The following KCTD16 variants were observed in gnomAD, a reference collection of about 807,000 sequenced individuals.
The protein encoded by KCTD16 is potassium channel tetramerization domain containing 16.
In KCTD16, 13 loss-of-function variants were observed where a neutral mutation model predicts 33.2. The observed-to-expected ratio is 0.39, with a 90% confidence interval of 0.25 to 0.62. The LOEUF is 0.62. Ranked by LOEUF, KCTD16 falls within the 20% of genes least tolerant of loss-of-function variation. The pLI is 0.50. For synonymous variants in KCTD16, 197 were observed against 195.3 expected (o/e 1.01, Z -0.07); for missense variants, 441 against 525.1 (o/e 0.84, Z 1.57).
intron 3 of KCTD16, among the ~76,000 whole-genome samples, chr5:144,338,487 A>G (rs1349168551): frequency 6.6e-6 from 1 of 152,206 alleles, no homozygotes; most frequent in Non-Finnish European, 1.5e-5. Flanking sequence ...GGATCATAGT[A>G]GACATTCAAT....
intron 2 of KCTD16, 40 bp from the exon 3 acceptor site, chr5:144,206,349 T>C (rs983231413): frequency 5.0e-5 from 9 of 181,612 alleles, no homozygotes; most frequent in African/African-American, 7.1e-5. Flanking sequence ...TTCTGACTCA[T>C]TCCAGGTTTG....
chr5:144,259,930 T>C (rs562083167), intron 3 of KCTD16, among the ~76,000 whole-genome samples: 2 of 152,328 alleles, frequency 1.3e-5, no homozygotes, highest in South Asian at 4.1e-4. Context: ...CGTTCTGTCA[T>C]GTCATAATGT....
chr5:144,245,117 T>C (rs1754513516), intron 3 of KCTD16, among the ~76,000 whole-genome samples: 1 of 152,236 alleles, frequency 6.6e-6, no homozygotes, highest in Admixed American at 6.5e-5. Context: ...GACAAATAAT[T>C]ACTAAATATC....
rs570622012 is a variant in KCTD16 at position 144,328,999 on chromosome 5, C to T, written c.832+121453C>T. On this transcript the variant is annotated intron_variant, in intron 3 of 3. Transcript: ENST00000512467. ...ATTGAATGAACTATAAATATGATCA[C>T]CCATCTATATCCCAGGCTTGAGACT... Among the ~76,000 whole-genome samples the T allele has an allele frequency of 2.0e-5, 3 of 152,122 alleles. No homozygotes were observed. The South Asian group carries it at 6.2e-4, about 32-fold the overall frequency.
chr5:144,431,746 A>G (rs979339515), intron 3 of KCTD16, among the ~76,000 whole-genome samples: 2 of 152,158 alleles, frequency 1.3e-5, no homozygotes, highest in African/African-American at 4.8e-5. Flanking sequence ...CTCGTATTTT[A>G]CTTGTTTTTA....
intron 3 of KCTD16, among the ~76,000 whole-genome samples, chr5:144,339,129 C>A (rs1185429227): frequency 6.6e-6 from 1 of 152,158 alleles, no homozygotes; most frequent in African/African-American, 2.4e-5. Context: ...ATTTATCAAG[C>A]CCTTACTCTG....
Position 144,473,864 on chromosome 5 carries a change from T to G in KCTD16, c.1037T>G (p.Ile346Ser). The G allele has an allele frequency of 6.2e-7, 1 of 1,613,918 alleles. No homozygotes were observed. The change falls in exon 4 of 4, where the codon ATC (isoleucine) becomes AGC (serine). Residue 346 changes from isoleucine to serine, a missense_variant. Around this residue, in one of 3 missense-constraint regions of KCTD16, gnomAD observed 355 missense variants for 413.0 expected, o/e 0.86. Transcript: ENST00000512467. ...AACATCCAGACTCTGGACCGTCCCA[T>G]CAAGAAGGGCCCTGTCCAGCTGATC... ...QTNIQTLDRP[I>S]KKGPVQLIQQ... is the part of the protein sequence containing the mutation.
intron 2 of KCTD16, among the ~76,000 whole-genome samples, chr5:144,199,707 A>ATTTTTTTTTTTTT (rs574670606): frequency 4.4e-5 from 3 of 67,738 alleles, no homozygotes; most frequent in Admixed American, 1.6e-4. Context: ...GAACAGCTTC[A>ATTTTTTTTTTTTT]TTTTTTTTTT....
intron 3 of KCTD16, among the ~76,000 whole-genome samples, chr5:144,386,905 G>A (rs538353724): frequency 7.1e-4 from 108 of 152,232 alleles, no homozygotes; most frequent in African/African-American, 2.4e-3. Flanking sequence ...TATTGTTGTT[G>A]TAAAAGACAA....
Position 144,474,198 on chromosome 5 carries a change from A to T in KCTD16, c.*84A>T, listed in dbSNP as rs1754545720. The T allele has an allele frequency of 2.2e-5, 23 of 1,031,482 alleles. No homozygotes were observed. The highest frequency in any genetic ancestry group is 3.3e-5 in the Non-Finnish European group (23 of 707,460). 63.9% of individuals were successfully genotyped at this position (1,031,482 alleles called of 1,614,324 possible). On this transcript the variant is annotated 3_prime_UTR_variant, in exon 4 of 4. Transcript: ENST00000512467. ...AGGAATTCATATTTTAAAGGAAAAA[A>T]ATACAACTAATGATGCACATTTCTT...
At chr5:144,427,696 C>A (rs1753362570) in intron 3 of KCTD16, among the ~76,000 whole-genome samples, 1 of 152,036 alleles carries the variant, frequency 6.6e-6, no homozygotes, top group Admixed American at 6.6e-5. Flanking sequence ...TGGAGTACAG[C>A]CTGGGTGCCT....
At chr5:144,418,895 CCTAA>C (rs1352720629) in intron 3 of KCTD16, among the ~76,000 whole-genome samples, 6 of 152,026 alleles carry the variant, frequency 3.9e-5, no homozygotes, top group Non-Finnish European at 8.8e-5. Context: ...AGTTATACAC[CCTAA>C]CTTTTACAAC....
intron 3 of KCTD16, among the ~76,000 whole-genome samples, chr5:144,267,175 A>C (rs1224970306): frequency 2.0e-5 from 3 of 152,226 alleles, no homozygotes; most frequent in African/African-American, 7.2e-5. Context: ...ACAGAAGATG[A>C]ATAAGATTGG....
chr5:144,297,661 A>G (rs973324002), intron 3 of KCTD16, among the ~76,000 whole-genome samples: 3 of 152,224 alleles, frequency 2.0e-5, no homozygotes, highest in Non-Finnish European at 4.4e-5. Context: ...CCACCTTTCA[A>G]CATGGGGCTT....
intron 3 of KCTD16, among the ~76,000 whole-genome samples, chr5:144,291,339 T>C (rs1755891304): frequency 6.6e-6 from 1 of 152,228 alleles, no homozygotes; most frequent in Admixed American, 6.5e-5. Context: ...TTTGACTTTT[T>C]GTTCAGCTTA....
Position 144,206,563 on chromosome 5 carries a change from T to A in KCTD16, c.-152T>A. ...CCTGTGGACTCTTATACATTTTGAT[T>A]TCTTGGGGGAAAAATACTGGGATAA... is the stretch of plus-strand genomic sequence containing the variant. On this transcript the variant is annotated 5_prime_UTR_variant, in exon 3 of 4. Transcript: ENST00000512467. The A allele has an allele frequency of 1.5e-6, 1 of 674,566 alleles. No homozygotes were observed. Among genetic ancestry groups the A allele is most frequent in the Non-Finnish European group, 2.5e-6 (1 of 399,020 alleles). 41.8% of individuals were successfully genotyped at this position (674,566 alleles called of 1,614,324 possible).
At chr5:144,464,471 A>G (rs923476377) in intron 3 of KCTD16, among the ~76,000 whole-genome samples, 2 of 152,318 alleles carry the variant, frequency 1.3e-5, no homozygotes, top group African/African-American at 4.8e-5. Context: ...AATGGCAATA[A>G]ATGGATAGAG....
intron 3 of KCTD16, among the ~76,000 whole-genome samples, chr5:144,381,862 A>G (rs550374736): frequency 6.6e-6 from 1 of 152,346 alleles, no homozygotes; most frequent in East Asian, 1.9e-4. Context: ...TGACCCAGCA[A>G]TTCCATTATT....
chr5:144,453,637 T>C (rs896893098), intron 3 of KCTD16, among the ~76,000 whole-genome samples: 8 of 152,152 alleles, frequency 5.3e-5, no homozygotes, highest in African/African-American at 9.7e-5. Context: ...AAAAATAAAA[T>C]GTCATTATAG....
Sources: allele counts gnomAD v4.1 joint callset (sites outside exome capture counted in the v4.1 genomes callset), GRCh38; gene constraint gnomAD v4.1.1; regional missense constraint gnomAD v4.1.1; transcripts MANE v1.5; gene names NCBI Gene and HGNC (gene_info 2026-07-23, HGNC 2026-07-21).